MTMR4: variants seen among roughly 807,000 people sequenced by gnomAD.
The protein encoded by MTMR4 is myotubularin related protein 4.
Under a neutral mutation model 125.5 loss-of-function variants are expected in MTMR4, and 30 were observed. The ratio of observed to expected loss-of-function variants is 0.24; its 90% CI spans 0.18 to 0.32. The LOEUF is 0.32. Among genes scored for constraint, MTMR4 ranks in the 10% least tolerant of loss-of-function variants. The pLI is 1.00. For synonymous variants in MTMR4, 498 were observed against 564.5 expected (o/e 0.88, Z 1.67); for missense variants, 1,039 against 1,511.5 (o/e 0.69, Z 5.18).
chr17:58,507,927 A>T (rs906330146), intron 7 of MTMR4: 7 of 360,670 alleles, frequency 1.9e-5, no homozygotes, highest in Non-Finnish European at 3.6e-5. Flanking sequence ...ATACACACAC[A>T]CACACACACA....
Position 58,506,854 on chromosome 17 carries a change from A to G in MTMR4, c.922T>C (p.Cys308Arg), listed in dbSNP as rs1175918456. The G allele has an allele frequency of 1.2e-6, 2 of 1,612,738 alleles. No homozygotes were observed. Among genetic ancestry groups the G allele is most frequent in the South Asian group, 2.2e-5 (2 of 91,002 alleles). Residue 308 changes from cysteine to arginine, a missense_variant, in exon 9 of 18, where the codon TGC (cysteine) becomes CGC (arginine). Physicochemically the swap from Cys to Arg is radical, Grantham distance 180. Around this residue, in one of 6 missense-constraint regions of MTMR4, gnomAD observed 49 missense variants for 68.4 expected, o/e 0.72. Transcript: ENST00000682306. ...GCTGCTGTGCTCTCCACTCCAGAGC[A>G]CGCAGTCAGAGAAGAATCTAAACAC... ...DADFDSSLTACSGVESTAAPQ... is the reference protein window; with the variant it reads ...DADFDSSLTARSGVESTAAPQ...
At chr17:58,509,602 T>G (rs764697041) in intron 4 of MTMR4, among the ~76,000 whole-genome samples, 3 of 151,704 alleles carry the variant, frequency 2.0e-5, no homozygotes, top group Admixed American at 6.6e-5. Flanking sequence ...AAATTCTTCA[T>G]AGAGACAGGG....
chr17:58,512,511 C>A lies in MTMR4; in HGVS notation c.136-5G>T, dbSNP rs1437293358. Reference sequence around the variant, plus strand: ...CTGCAGCACTGTGAAGGGGACCTGTCAAGGGGCAGAGAAACCTTCAGTCCA... The same window carrying A: ...CTGCAGCACTGTGAAGGGGACCTGTAAAGGGGCAGAGAAACCTTCAGTCCA... On this transcript the variant is annotated splice_polypyrimidine_tract_variant and splice_region_variant and intron_variant, in intron 2 of 17. Coordinates refer to ENST00000682306, the MANE Select transcript of MTMR4 (RefSeq NM_001378067.1). The surrounding 1 kb of genome is among the most constrained non-coding windows in gnomAD (Gnocchi z 4.1). 6.2e-7 allele frequency: 1 copy of A among 1,611,138 alleles called. No individual in the cohort carries two copies. Among genetic ancestry groups the A allele is most frequent in the African/African-American group, 1.3e-5 (1 of 74,868 alleles).
At position 58,490,302 on chromosome 17, in the gene MTMR4, T is replaced by A. The variant is rs1236115396; in HGVS notation, c.*1361A>T. ...TAAGGAAAACTGTATAAAGTCCTAG[T>A]GGTTTCATTATAGGCCAAGGAGACT... is the stretch of plus-strand genomic sequence containing the variant. On this transcript the variant is annotated 3_prime_UTR_variant, in exon 18 of 18. Coordinates refer to ENST00000682306, the MANE Select transcript of MTMR4 (RefSeq NM_001378067.1). 6.6e-6 allele frequency: 1 copy of A among 152,642 alleles called. No individual in the cohort carries two copies. The allele number at this position is 152,642 out of a possible 1,614,324, so 9.5% of individuals were successfully genotyped here. A position where few individuals can be genotyped will look rare whatever the true frequency, so the allele number is the denominator to read the frequency against.
chr17:58,492,918 T>G lies in MTMR4; in HGVS notation c.3287A>C (p.Glu1096Ala). 6.2e-7 allele frequency: 1 copy of G among 1,614,214 alleles called. No individual in the cohort carries two copies. The highest frequency in any genetic ancestry group is 2.2e-5 in the East Asian group (1 of 44,886). ...TTCACTGTGATCAGAGCCAAAATCC[T>G]CAGTATCACTGCCATCTGACTCCTT... The part of the protein sequence containing the change: ...CLKESDGSDT[E>A]DFGSDHSEDC... The change falls in exon 16 of 18, where the codon GAG (glutamate) becomes GCG (alanine). Residue 1096 changes from glutamate to alanine, a missense_variant. Transcript: ENST00000682306.
upstream of MTMR4, among the ~76,000 whole-genome samples, chr17:58,514,779 G>A (rs1976040786): frequency 6.6e-6 from 1 of 152,082 alleles, no homozygotes; most frequent in South Asian, 2.1e-4. Context: ...CCTACTCCAG[G>A]GACCTTTAGG....
chr17:58,508,546 C>A lies in MTMR4; in HGVS notation c.515G>T (p.Arg172Leu). 6.2e-7 allele frequency: 1 copy of A among 1,614,224 alleles called. No individual in the cohort carries two copies. The highest frequency in any genetic ancestry group is 8.5e-7 in the Non-Finnish European group (1 of 1,180,050). ...CATCCTTGCAAGCTCCGCCTCCTGT[C>A]GACAACGTATGTGCTCACCTGCAAC... ...LCQPGEHIRC[R>L]QEAELARMGF... The change falls in exon 6 of 18, where the codon CGA becomes CTA. Residue 172 changes from arginine (R) to leucine (L), a missense_variant. Transcript: ENST00000682306. The surrounding 1 kb of genome is among the most constrained non-coding windows in gnomAD (Gnocchi z 4.8).
At position 58,494,925 on chromosome 17, in the gene MTMR4, T is replaced by A; in HGVS notation, c.3252+7A>T. The A allele has an allele frequency of 6.2e-7, 1 of 1,612,168 alleles. No homozygotes were observed. The highest frequency in any genetic ancestry group is 2.2e-5 in the East Asian group (1 of 44,864). Reference sequence around the variant, plus strand: ...TAATGGGTGTATGGCAGTTGGTGACTACTTACAAAATCATCCTCATAGTCC... The same window carrying A: ...TAATGGGTGTATGGCAGTTGGTGACAACTTACAAAATCATCCTCATAGTCC... On this transcript the variant is annotated splice_region_variant and intron_variant, in intron 15 of 17. Coordinates refer to ENST00000682306, the MANE Select transcript of MTMR4 (RefSeq NM_001378067.1).
chr17:58,513,261 T>C (rs1054442118), intron 1 of MTMR4, among the ~76,000 whole-genome samples: 3 of 152,102 alleles, frequency 2.0e-5, no homozygotes, highest in Non-Finnish European at 4.4e-5. Context: ...AAAGACTCTT[T>C]CCCTTAGACC....
rs1349886371 is a variant in MTMR4, at chr17:58,489,776, A to G, written c.*1887T>C. ...AAACAGCCACGCTAAGTAGACAGATACAGTCTCCCCAAATGTTACCAATCT... is the reference window on the plus strand; with the variant it reads ...AAACAGCCACGCTAAGTAGACAGATGCAGTCTCCCCAAATGTTACCAATCT... On this transcript the variant is annotated 3_prime_UTR_variant, in exon 18 of 18. Transcript: ENST00000682306. The G allele has an allele frequency of 6.6e-6, 1 of 152,658 alleles. No homozygotes were observed. Among genetic ancestry groups the G allele is most frequent in the African/African-American group, 2.4e-5 (1 of 41,450 alleles). The allele number at this position is 152,658 out of a possible 1,614,324, so 9.5% of individuals were successfully genotyped here.
rs187153257 is a variant in MTMR4 at position 58,503,210 on chromosome 17, A to G, written c.1853+534T>C. ...TCTCTCCCCTGCTTGGGTATATCAT[A>G]CAGAGTGATAGCAGCTCCTCCAGGA... On this transcript the variant is annotated intron_variant, in intron 14 of 17. Coordinates refer to ENST00000682306, the MANE Select transcript of MTMR4 (RefSeq NM_001378067.1). Among the ~76,000 whole-genome samples, 7 of 152,294 alleles carry G rather than the reference A, an allele frequency of 4.6e-5. No individual in the cohort carries two copies. In the East Asian group the frequency reaches 1.4e-3, roughly 29 times the overall value.
In MTMR4 at chr17:58,507,126, A is replaced by G. The variant is rs746358462; in HGVS notation, c.901T>C (p.Phe301Leu). The G allele has an allele frequency of 6.2e-7, 1 of 1,614,084 alleles. No individual in the cohort carries two copies. Among genetic ancestry groups the G allele is most frequent in the Non-Finnish European group, 8.5e-7 (1 of 1,179,984 alleles). Residue 301 changes from phenylalanine to leucine, a missense_variant, in exon 8 of 18, where the codon TTT becomes CTT. Physicochemically the swap from Phe to Leu is conservative, Grantham distance 22 (BLOSUM62 0). Around this residue, in one of 6 missense-constraint regions of MTMR4, gnomAD observed 49 missense variants for 68.4 expected, o/e 0.72. Coordinates refer to ENST00000682306, the MANE Select transcript of MTMR4 (RefSeq NM_001378067.1). ...GTTAGCATCATCCACACCTTACCAA[A>G]GTCAGCATCACACGCCTCGCTGGTA... ...NDTSEACDAD[F>L]DSSLTACSGV... is the part of the protein sequence containing the mutation.
rs758423148 is a variant in MTMR4, at chr17:58,494,962, T to G, written c.3222A>C (p.Ala1074=). 6.2e-7 allele frequency: 1 copy of G among 1,614,180 alleles called. No individual in the cohort carries two copies. Among genetic ancestry groups the G allele is most frequent in the East Asian group, 2.2e-5 (1 of 44,876 alleles). The change falls in exon 15 of 18, where the codon GCA becomes GCC. Residue 1074 remains alanine (A), a synonymous_variant. Coordinates refer to ENST00000682306, the MANE Select transcript of MTMR4 (RefSeq NM_001378067.1). ...LDIRHCCAPP[A]EPPMDYEDDF... The stretch of plus-strand genomic sequence containing the variant: ...CATCCTCATAGTCCATGGGGGGCTC[T>G]GCTGGAGGGGCACAGCAGTGACGGA...
intron 1 of MTMR4, among the ~76,000 whole-genome samples, chr17:58,513,830 C>T (rs1391657228): frequency 6.6e-6 from 1 of 151,360 alleles, no homozygotes; most frequent in Non-Finnish European, 1.5e-5. Flanking sequence ...TGCAGAGGTA[C>T]GGAACCCTGC....
chr17:58,490,760 C>T lies in MTMR4; in HGVS notation c.*903G>A, dbSNP rs1183943184. ...GAAAACCTTTGTTTTATTTTCATGCCAGGAGAGGATCAAGGTGTAGCTCCT... is the reference window on the plus strand; with the variant it reads ...GAAAACCTTTGTTTTATTTTCATGCTAGGAGAGGATCAAGGTGTAGCTCCT... On this transcript the variant is annotated 3_prime_UTR_variant, in exon 18 of 18. Transcript: ENST00000682306. 1.3e-5 allele frequency: 2 copies of T among 152,548 alleles called. No homozygotes were observed. The highest frequency in any genetic ancestry group is 2.9e-5 in the Non-Finnish European group (2 of 68,032). 9.4% of individuals were successfully genotyped at this position (152,548 alleles called of 1,614,324 possible).
At chr17:58,516,432 C>G, upstream of MTMR4, 3 of 830,582 alleles carry the variant, frequency 3.6e-6, no homozygotes, top group Non-Finnish European at 6.1e-6. Flanking sequence ...TAAAGAAACC[C>G]TAATTTATCT....
chr17:58,506,917 A>G, intron 8 of MTMR4, 46 bp from the exon 9 acceptor site: 2 of 1,595,522 alleles, frequency 1.3e-6, no homozygotes, highest in African/African-American at 1.3e-5. Context: ...CAGCCACCCA[A>G]CCTCTTGCTG....
In MTMR4 at chr17:58,508,881, G is replaced by T; in HGVS notation, c.336-40C>A. 6.3e-7 allele frequency: 1 copy of T among 1,597,250 alleles called. No homozygotes were observed. The highest frequency in any genetic ancestry group is 2.3e-5 in the East Asian group (1 of 44,378). On this transcript the variant is annotated intron_variant, in intron 4 of 17. Coordinates refer to ENST00000682306, the MANE Select transcript of MTMR4 (RefSeq NM_001378067.1). The surrounding 1 kb of genome is among the most constrained non-coding windows in gnomAD (Gnocchi z 4.8). ...GCCACAGGCCTAGGTGAGGCAAAGT[G>T]CAGTTGTGCCATGGGGCTATCAGGG... is the stretch of plus-strand genomic sequence containing the variant.
chr17:58,512,547 AC>A lies in MTMR4; in HGVS notation c.136-42del. The A allele has an allele frequency of 6.7e-7, 1 of 1,488,090 alleles. No homozygotes were observed. Among genetic ancestry groups the A allele is most frequent in the African/African-American group, 1.4e-5 (1 of 72,526 alleles). 92.2% of individuals were successfully genotyped at this position (1,488,090 alleles called of 1,614,324 possible). ...GAAACCTTCAGTCCAGAAGTGAGTG[AC>A]CACCTTATCCTCTTCTACAGCCCCT... On this transcript the variant is annotated intron_variant, in intron 2 of 17. Coordinates refer to ENST00000682306, the MANE Select transcript of MTMR4 (RefSeq NM_001378067.1). This position sits in a 1 kb window ranked among gnomAD's most constrained non-coding sequence, Gnocchi z 4.1.
Sources: allele counts gnomAD v4.1 joint callset (sites outside exome capture counted in the v4.1 genomes callset), GRCh38; gene constraint gnomAD v4.1.1; regional missense constraint gnomAD v4.1.1; non-coding constraint Gnocchi (gnomAD v3.1); transcripts MANE v1.5; gene names NCBI Gene and HGNC (gene_info 2026-07-23, HGNC 2026-07-21).